Variants in SNX14 observed in about 807,000 individuals in gnomAD.
SNX14 encodes the protein sorting nexin-14.
In SNX14, 93 loss-of-function variants were observed where a neutral mutation model predicts 133.8. The ratio of observed to expected loss-of-function variants is 0.70; its 90% CI spans 0.59 to 0.83. The LOEUF is 0.83. Ranked by LOEUF, SNX14 falls within the 40% of genes least tolerant of loss-of-function variation. The probability of loss-of-function intolerance (pLI) is 0.00; values close to 1 mark genes in which losing one functional copy is unlikely to be tolerated. For synonymous variants in SNX14, 368 were observed against 365.6 expected, an observed-to-expected ratio of 1.01 and a Z score of -0.07; for missense variants, 945 against 1,094.9, an observed-to-expected ratio of 0.86 and a Z score of 1.93.
At chr6:85,527,642 A>G (rs1778925347) in intron 20 of SNX14, among the ~76,000 whole-genome samples, 1 of 152,128 alleles carries the variant, frequency 6.6e-6, no homozygotes, top group Non-Finnish European at 1.5e-5. Flanking sequence ...GATGTTTATT[A>G]GTCTTGGAGA....
At chr6:85,511,879 A>G (rs1387662703) in intron 26 of SNX14, among the ~76,000 whole-genome samples, 1 of 152,190 alleles carries the variant, frequency 6.6e-6, no homozygotes, top group East Asian at 1.9e-4. Flanking sequence ...ACTGGACATG[A>G]CACACAAGTT....
intron 6 of SNX14, among the ~76,000 whole-genome samples, chr6:85,560,040 G>A (rs1791024580): frequency 6.6e-6 from 1 of 152,188 alleles, no homozygotes; most frequent in South Asian, 2.1e-4. Flanking sequence ...CACTGCTGAT[G>A]GGAATGTAAA....
At chr6:85,558,114 G>C in intron 6 of SNX14, 54 bp from the exon 7 acceptor site, 2 of 844,900 alleles carry the variant, frequency 2.4e-6, no homozygotes, top group Non-Finnish European at 3.9e-6. Flanking sequence ...AGTTACAATG[G>C]CAGGTACACT....
chr6:85,519,712 T>C lies in SNX14; in HGVS notation c.2108-1664A>G, dbSNP rs113770249. On this transcript the variant is annotated intron_variant, in intron 21 of 28. Transcript: ENST00000314673. ...GGTGAAACCCCGTCTCTTCTAAAAA[T>C]ACAAAAATTAGCCGGACGTGGTGGC... 6.2e-3 allele frequency among the ~76,000 whole-genome samples: 950 copies of C among 152,178 alleles called. 6 individuals are homozygous for C. Among genetic ancestry groups the C allele is most frequent in the African/African-American group, 0.022 (900 of 41,518 alleles).
At chr6:85,589,225 C>CTTT (rs34164476) in intron 1 of SNX14, 44 of 130,956 alleles carry the variant, frequency 3.4e-4, no homozygotes, top group South Asian at 1.7e-3. Context: ...TCTGGCACCA[C>CTTT]TTTTTTTTTT....
intron 1 of SNX14, among the ~76,000 whole-genome samples, chr6:85,583,998 A>G (rs1799862496): frequency 6.6e-6 from 1 of 152,224 alleles, no homozygotes; most frequent in African/African-American, 2.4e-5. Context: ...GCTTCAAACT[A>G]TACTACAAGG....
chr6:85,562,472 A>G (rs933425599), intron 6 of SNX14, among the ~76,000 whole-genome samples: 2 of 151,712 alleles, frequency 1.3e-5, no homozygotes, highest in African/African-American at 4.8e-5. Context: ...TTCTGTAATT[A>G]GGATGTATTA....
chr6:85,530,234 GAT>G lies in SNX14; in HGVS notation c.1850_1851del (p.Tyr617SerfsTer2). On this transcript the variant is annotated frameshift_variant, in exon 19 of 29. Transcript: ENST00000314673. LOFTEE classifies it high-confidence loss of function. ...TTTGATTCAAGTACATAGAATTCAA[GAT>G]ATCTTCTATAGACAGACCAATGTTC... ...EPEHWSVYRR[Y>X]LEFYVLESKL... is the part of the protein sequence containing the mutation. 6.2e-7 allele frequency: 1 copy of G among 1,602,038 alleles called. No homozygotes were observed. Among genetic ancestry groups the G allele is most frequent in the Non-Finnish European group, 8.5e-7 (1 of 1,174,676 alleles).
At chr6:85,574,969 C>A (rs768215359) in intron 1 of SNX14, among the ~76,000 whole-genome samples, 9 of 152,060 alleles carry the variant, frequency 5.9e-5, no homozygotes. Context: ...TCAGAGAAAG[C>A]AATATCTACA....
In SNX14 at chr6:85,533,550, G is replaced by T. The variant is rs370455224; in HGVS notation, c.1810+49C>A. On this transcript the variant is annotated intron_variant, in intron 18 of 28. Coordinates refer to ENST00000314673, the MANE Select transcript of SNX14 (RefSeq NM_153816.6). ...ATGTTTATCATACCTGATAACAACA[G>T]ACTCATTCATGGGCATCTTTTAAGA... is the stretch of plus-strand genomic sequence containing the variant. 1.9e-6 allele frequency: 3 copies of T among 1,554,104 alleles called. No individual in the cohort carries two copies. In the South Asian group the frequency reaches 3.5e-5, roughly 18 times the overall value.
Position 85,517,857 on chromosome 6 carries a change from G to C in SNX14, c.2167C>G (p.Pro723Ala), listed in dbSNP as rs774413694. 1.2e-6 allele frequency: 2 copies of C among 1,607,896 alleles called. No homozygotes were observed. The highest frequency in any genetic ancestry group is 1.1e-5 in the South Asian group (1 of 89,086). The part of the protein sequence containing the change: ...LMKEKGQHLE[P>A]FIMNFINSCE... ...GAATTAATGAAATTCATGATAAAAG[G>C]TTCCAAATGCTGACCTTTCTGTGGT... The change falls in exon 23 of 29, where the codon CCT becomes GCT. Residue 723 changes from proline (P) to alanine (A), a missense_variant. By Grantham distance (27) the Pro-to-Ala change is conservative. Around this residue, in one of 3 missense-constraint regions of SNX14, gnomAD observed 412 missense variants for 516.6 expected, o/e 0.80. Coordinates refer to ENST00000314673, the MANE Select transcript of SNX14 (RefSeq NM_153816.6).
chr6:85,538,034 G>A (rs1782487657), intron 16 of SNX14, among the ~76,000 whole-genome samples: 1 of 152,170 alleles, frequency 6.6e-6, no homozygotes, highest in Admixed American at 6.5e-5. Flanking sequence ...AGTTTGTTTT[G>A]AATGCTTAAG....
At chr6:85,536,011 C>T (rs1199622437) in intron 17 of SNX14, among the ~76,000 whole-genome samples, 5 of 152,238 alleles carry the variant, frequency 3.3e-5, no homozygotes, top group Middle Eastern at 3.4e-3. Flanking sequence ...TGAGACAATA[C>T]TTGCCTTTAT....
chr6:85,526,096 A>G (rs781730374), intron 21 of SNX14, 30 bp downstream of exon 21: 14 of 1,368,398 alleles, frequency 1.0e-5, no homozygotes, highest in East Asian at 4.8e-5. Context: ...TCAGCTTATT[A>G]TCTTATAATG....
intron 17 of SNX14, among the ~76,000 whole-genome samples, chr6:85,535,810 C>A (rs1781783972): frequency 6.6e-6 from 1 of 152,072 alleles, no homozygotes; most frequent in Admixed American, 6.5e-5. Context: ...TTACTCCTGT[C>A]ACCCCACCTT....
chr6:85,547,594 GTAT>G, intron 9 of SNX14, 44 bp from the exon 10 acceptor site: 1 of 1,434,452 alleles, frequency 7.0e-7, no homozygotes, highest in South Asian at 1.3e-5. Context: ...TTCCACTACT[GTAT>G]TCTCCCCAGA....
intron 4 of SNX14, among the ~76,000 whole-genome samples, chr6:85,570,474 A>G (rs1795182048): frequency 6.6e-6 from 1 of 152,234 alleles, no homozygotes; most frequent in Non-Finnish European, 1.5e-5. Context: ...TTTACAAAGT[A>G]AAAAGAAACA....
intron 7 of SNX14, among the ~76,000 whole-genome samples, chr6:85,550,522 G>A (rs2128108251): frequency 6.6e-6 from 1 of 152,060 alleles, no homozygotes; most frequent in South Asian, 2.1e-4. Context: ...TTGAGACAAG[G>A]TCTCGCTCCG....
At position 85,558,173 on chromosome 6, in the gene SNX14, C is replaced by T. The variant is rs528158296; in HGVS notation, c.550-113G>A. 9.9e-6 allele frequency: 6 copies of T among 606,850 alleles called. No homozygotes were observed. The East Asian group carries it at 1.5e-4, about 15-fold the overall frequency. The allele number at this position is 606,850 out of a possible 1,614,324, so 37.6% of individuals were successfully genotyped here. ...CTTAAAAATTAGAAGTATTCAGAAT[C>T]TTTCAAAAATAACACTTTATATTCC... On this transcript the variant is annotated intron_variant, in intron 6 of 28. Transcript: ENST00000314673.
Sources: allele counts gnomAD v4.1 joint callset (sites outside exome capture counted in the v4.1 genomes callset), GRCh38; gene constraint gnomAD v4.1.1; regional missense constraint gnomAD v4.1.1; transcripts MANE v1.5; gene names NCBI Gene and HGNC (gene_info 2026-07-23, HGNC 2026-07-21).